ROBO1: variants seen among roughly 807,000 people sequenced by gnomAD.
The protein encoded by ROBO1 is roundabout guidance receptor 1, also known as roundabout homolog 1.
ROBO1 carries 149 observed loss-of-function variants against 195.9 expected under a neutral mutation model. The ratio of observed to expected loss-of-function variants is 0.76; its 90% CI spans 0.67 to 0.87. The LOEUF (loss-of-function observed/expected upper bound fraction) is 0.87. Among genes scored for constraint, ROBO1 ranks in the 40% least tolerant of loss-of-function variants. ROBO1 has a pLI of 0.00. For synonymous variants in ROBO1, 816 were observed against 733.2 expected (o/e 1.11, Z -1.82); for missense variants, 1,933 against 2,068.3 (o/e 0.93, Z 1.27).
chr3:79,101,547 A>G (rs191637939), intron 3 of ROBO1, among the ~76,000 whole-genome samples: 1 of 151,860 alleles, frequency 6.6e-6, no homozygotes, highest in African/African-American at 2.4e-5. Flanking sequence ...CTGGAGCTTC[A>G]TATTATCTCA....
chr3:79,304,095 G>A (rs888741244), intron 2 of ROBO1, among the ~76,000 whole-genome samples: 3 of 152,066 alleles, frequency 2.0e-5, no homozygotes, highest in African/African-American at 7.2e-5. Context: ...AAAACCTTTT[G>A]ATACTATAAA....
chr3:78,864,468 G>A (rs571752009), intron 4 of ROBO1, among the ~76,000 whole-genome samples: 174 of 149,714 alleles, frequency 1.2e-3, no homozygotes, highest in African/African-American at 4.3e-3. Context: ...ATATTTTTCA[G>A]ACACAAAAAA....
chr3:79,476,163 C>G (rs114835745), intron 2 of ROBO1, among the ~76,000 whole-genome samples: 7,307 of 151,990 alleles, frequency 0.048, 479 homozygotes, highest in African/African-American at 0.15. Context: ...CATCACTAAC[C>G]ATCAGGGAAG....
At chr3:79,454,433 A>G (rs2107217509) in intron 2 of ROBO1, among the ~76,000 whole-genome samples, 1 of 152,264 alleles carries the variant, frequency 6.6e-6, no homozygotes, top group South Asian at 2.1e-4. Flanking sequence ...ATTGACTTAC[A>G]GACGTAAACT....
intron 2 of ROBO1, among the ~76,000 whole-genome samples, chr3:79,482,119 T>C (rs907534701): frequency 6.6e-6 from 1 of 152,312 alleles, no homozygotes; most frequent in Non-Finnish European, 1.5e-5. Flanking sequence ...GTAAGGACAC[T>C]GCCAAAAATA....
At chr3:79,622,289 T>C (rs1945031976) in intron 1 of ROBO1, among the ~76,000 whole-genome samples, 1 of 152,216 alleles carries the variant, frequency 6.6e-6, no homozygotes, top group African/African-American at 2.4e-5. Flanking sequence ...GCCTGTCAGC[T>C]GGAACCTGCT....
At chr3:79,693,653 G>A (rs1947360883) in intron 1 of ROBO1, among the ~76,000 whole-genome samples, 1 of 151,524 alleles carries the variant, frequency 6.6e-6, no homozygotes, top group African/African-American at 2.4e-5. Flanking sequence ...GCCCAGGCTG[G>A]TCTCAAACTC....
At chr3:79,577,600 G>C (rs1943527436) in intron 2 of ROBO1, among the ~76,000 whole-genome samples, 2 of 152,126 alleles carry the variant, frequency 1.3e-5, no homozygotes, top group South Asian at 4.1e-4. Context: ...AACTGGCTGG[G>C]CGTGGTGGGA....
intron 1 of ROBO1, among the ~76,000 whole-genome samples, chr3:79,743,975 G>A (rs1703763431): frequency 6.6e-6 from 1 of 151,944 alleles, no homozygotes. Flanking sequence ...TTTTTAAGTA[G>A]GAGTACATTC....
At chr3:78,970,836 T>TA (rs1272269802) in intron 3 of ROBO1, among the ~76,000 whole-genome samples, 1 of 152,054 alleles carries the variant, frequency 6.6e-6, no homozygotes, top group Non-Finnish European at 1.5e-5. Context: ...AGTCAGTTAG[T>TA]AATAGGGCTA....
chr3:79,384,307 TC>T (rs970017618), intron 2 of ROBO1, among the ~76,000 whole-genome samples: 17 of 152,144 alleles, frequency 1.1e-4, no homozygotes, highest in African/African-American at 4.1e-4. Flanking sequence ...GAATTCTCCA[TC>T]TGAATAGAAA....
At chr3:79,213,177 G>T (rs1245867638) in intron 2 of ROBO1, among the ~76,000 whole-genome samples, 3 of 151,704 alleles carry the variant, frequency 2.0e-5, no homozygotes, top group Non-Finnish European at 2.9e-5. Context: ...CCTTGGAGGT[G>T]GAGGTTGCAG....
At chr3:78,768,422 C>A (rs1413803110) in intron 4 of ROBO1, among the ~76,000 whole-genome samples, 1 of 151,352 alleles carries the variant, frequency 6.6e-6, no homozygotes, top group Non-Finnish European at 1.5e-5. Context: ...TATGTTCCTG[C>A]TCATTATAGA....
chr3:78,852,803 A>G (rs1256649573), intron 4 of ROBO1, among the ~76,000 whole-genome samples: 1 of 152,184 alleles, frequency 6.6e-6, no homozygotes, highest in East Asian at 1.9e-4. Flanking sequence ...TAACTGTGTG[A>G]CAAACACAGT....
intron 2 of ROBO1, among the ~76,000 whole-genome samples, chr3:79,169,869 A>C (rs2081135894): frequency 6.6e-6 from 1 of 152,210 alleles, no homozygotes; most frequent in Non-Finnish European, 1.5e-5. Flanking sequence ...GGAGTATATA[A>C]AAATAAGAAT....
chr3:79,193,610 A>G (rs1452845265), intron 2 of ROBO1, among the ~76,000 whole-genome samples: 1 of 116,224 alleles, frequency 8.6e-6, no homozygotes, highest in East Asian at 2.3e-4. Flanking sequence ...TTTTTGTATC[A>G]GAAAAGTAGA....
intron 1 of ROBO1, among the ~76,000 whole-genome samples, chr3:79,646,823 A>C (rs1206397449): frequency 1.3e-5 from 2 of 152,126 alleles, no homozygotes; most frequent in East Asian, 3.9e-4. Context: ...GACAAATATC[A>C]TATGTTCTCA....
At chr3:79,159,939 T>C (rs537141619) in intron 2 of ROBO1, among the ~76,000 whole-genome samples, 1 of 151,978 alleles carries the variant, frequency 6.6e-6, no homozygotes, top group Admixed American at 6.6e-5. Context: ...TCTGAGTGCA[T>C]GCAAAGGCTA....
chr3:79,322,033 A>G (rs1576972835), intron 2 of ROBO1, among the ~76,000 whole-genome samples: 1 of 152,184 alleles, frequency 6.6e-6, no homozygotes, highest in Non-Finnish European at 1.5e-5. Context: ...GATGCTACTA[A>G]TTCTACTGGT....
Sources: allele counts gnomAD v4.1 joint callset (sites outside exome capture counted in the v4.1 genomes callset), GRCh38; gene constraint gnomAD v4.1.1; transcripts MANE v1.5; gene names NCBI Gene and HGNC (gene_info 2026-07-23, HGNC 2026-07-21).